ARSH: variants seen among roughly 807,000 people sequenced by gnomAD.
ARSH encodes the protein arylsulfatase H.
In ARSH, 32 loss-of-function variants were observed where a neutral mutation model predicts 28.7. The observed-to-expected ratio is 1.11, with a 90% CI of 0.84 to 1.50. The LOEUF is 1.50. ARSH is among the 40% of genes most tolerant of loss of function. The pLI is 0.00. For missense variants in ARSH, 440 were observed against 452.4 expected, an observed-to-expected ratio of 0.97 and a Z score of 0.25; for synonymous variants, 176 against 177.3, an observed-to-expected ratio of 0.99 and a Z score of 0.06.
chrX:3,020,458 G>T (rs185669881), intron 5 of ARSH, among the ~76,000 whole-genome samples: 3 of 103,629 alleles, frequency 2.9e-5, no homozygotes, highest in African/African-American at 6.9e-5. Context: ...GCGCGGTGGC[G>T]GGCGCCTGTA....
intron 6 of ARSH, among the ~76,000 whole-genome samples, chrX:3,025,902 G>A (rs1016513657): frequency 9.0e-6 from 1 of 110,830 alleles, no homozygotes; most frequent in African/African-American, 3.3e-5. Context: ...CCCTGGAATA[G>A]GACTGGCAAA....
chrX:3,024,264 G>C, intron 6 of ARSH, 109 bp downstream of exon 6: 1 of 786,762 alleles, frequency 1.3e-6, no homozygotes, highest in Admixed American at 4.5e-5. Context: ...TTTGATGTGA[G>C]TTAGACTCTT....
At chrX:3,020,695 A>G (rs2089881442) in intron 5 of ARSH, among the ~76,000 whole-genome samples, 1 of 110,825 alleles carries the variant, frequency 9.0e-6, no homozygotes, top group East Asian at 2.8e-4. Context: ...TGTTAAAGGG[A>G]AAAACTTATG....
intron 8 of ARSH, among the ~76,000 whole-genome samples, chrX:3,029,591 C>T (rs993120963): frequency 5.4e-5 from 6 of 111,759 alleles, no homozygotes; most frequent in East Asian, 2.8e-4. Flanking sequence ...AGTACAGTGG[C>T]GCAATCTCGG....
chrX:3,027,366 C>T lies in ARSH; in HGVS notation c.1090C>T (p.Arg364Trp), dbSNP rs754643657. Reference sequence around the variant, plus strand: ...AGGTATCCGTGTGCCAGGGATATTCCGGTGGCCGTCAGTCTTGGAGGCTGG... The same window carrying T: ...AGGTATCCGTGTGCCAGGGATATTCTGGTGGCCGTCAGTCTTGGAGGCTGG... ...EGGIRVPGIFRWPSVLEAGRV... is the reference protein window; with the variant it reads ...EGGIRVPGIFWWPSVLEAGRV... The change falls in exon 7 of 9, where the codon CGG (arginine) becomes TGG (tryptophan). Residue 364 changes from arginine (R) to tryptophan (W), a missense_variant. Physicochemically the swap from Arg to Trp is moderately radical, Grantham distance 101. Transcript: ENST00000381130. 1.3e-4 allele frequency: 160 copies of T among 1,209,443 alleles called. No individual in the cohort carries two copies. The highest frequency in any genetic ancestry group is 1.7e-4 in the Non-Finnish European group (152 of 894,993).
At position 3,019,180 on chromosome X, in the gene ARSH, A is replaced by G. The variant is rs373041840; in HGVS notation, c.901+510A>G. 4.1e-4 allele frequency among the ~76,000 whole-genome samples: 44 copies of G among 106,656 alleles called. 1 individual carries two copies. In the South Asian group the frequency reaches 0.016, roughly 39 times the overall value. The allele number at this position is 106,656 out of a possible 115,157, so 92.6% of individuals were successfully genotyped here. On this transcript the variant is annotated intron_variant, in intron 5 of 8. Transcript: ENST00000381130. ...CTCGGGAGGGTGAGGCAGGAGAATCACTTGGATCCAGGATGCAGAGGTTGC... is the reference window on the plus strand; with the variant it reads ...CTCGGGAGGGTGAGGCAGGAGAATCGCTTGGATCCAGGATGCAGAGGTTGC...
At chrX:3,023,325 C>T (rs1285695989) in intron 5 of ARSH, among the ~76,000 whole-genome samples, 1 of 103,338 alleles carries the variant, frequency 9.7e-6, no homozygotes, top group East Asian at 3.0e-4. Context: ...TTAATATGTT[C>T]ATTATATATT....
At position 3,029,354 on chromosome X, in the gene ARSH, G is replaced by A. The variant is rs1402481426; in HGVS notation, c.1307G>A (p.Trp436Ter). 9.1e-6 allele frequency: 11 copies of A among 1,209,390 alleles called. No individual in the cohort carries two copies. Among genetic ancestry groups the A allele is most frequent in the Non-Finnish European group, 1.2e-5 (11 of 894,449 alleles). The change falls in exon 8 of 9, where the codon TGG (tryptophan) becomes TAG (stop). Residue 436 changes from tryptophan (W) to a stop codon, truncating the protein, a stop_gained. Transcript: ENST00000381130. LOFTEE classifies it low-confidence loss of function (END_TRUNC). ...GGGGTCTATCTGCACACGGTCAGGT[G>A]GCATCAGAAGGACTGTAAGTATGAA... ...YCGVYLHTVR[W>*]HQKDCATVWK... is the part of the protein sequence containing the mutation.
rs7056073 is a variant in ARSH, at chrX:3,023,993, A to T, written c.902-28A>T. On this transcript the variant is annotated intron_variant, in intron 5 of 8. Coordinates refer to ENST00000381130, the MANE Select transcript of ARSH (RefSeq NM_001011719.2). ...AGTGGTGATCTGCATCAAGAGGTCAACGTCTTTGTGTCTCTGACCCTCTCC... is the reference window on the plus strand; with the variant it reads ...AGTGGTGATCTGCATCAAGAGGTCATCGTCTTTGTGTCTCTGACCCTCTCC... 5,266 of 1,205,944 alleles carry T rather than the reference A, an allele frequency of 4.4e-3. 138 individuals carry two copies. In the African/African-American group the frequency reaches 0.08, roughly 18 times the overall value.
chrX:3,008,958 G>A lies in ARSH; in HGVS notation c.93-1072G>A, dbSNP rs189086174. ...ATTGGATATGGTTTAGCTTTTAGGA[G>A]AACAGGCACGTCTTTTTTTTAACCT... On this transcript the variant is annotated intron_variant, in intron 1 of 8. Transcript: ENST00000381130. 3.7e-3 allele frequency among the ~76,000 whole-genome samples: 410 copies of A among 110,757 alleles called. 1 individual carries two copies. The highest frequency in any genetic ancestry group is 6.4e-3 in the Non-Finnish European group (338 of 52,979).
chrX:3,008,736 G>T (rs1569121919), intron 1 of ARSH, among the ~76,000 whole-genome samples: 1 of 31,510 alleles, frequency 3.2e-5, no homozygotes, highest in African/African-American at 1.4e-4. Flanking sequence ...TTTTTCTTTT[G>T]TTTTGTTTTT....
At chrX:3,012,568 AATATATATATATAT>A (rs1183166715) in intron 2 of ARSH, among the ~76,000 whole-genome samples, 3 of 21,815 alleles carry the variant, frequency 1.4e-4, no homozygotes, top group African/African-American at 7.5e-4. Flanking sequence ...AAAAAAAAAA[AATATATATATATAT>A]ATATATATAT....
chrX:3,015,657 G>A (rs1207835723), intron 4 of ARSH, among the ~76,000 whole-genome samples: 1 of 110,825 alleles, frequency 9.0e-6, no homozygotes, highest in South Asian at 3.9e-4. Context: ...AGCCTCCATG[G>A]ACATAAACAT....
chrX:3,020,459 G>C (rs1244673786), intron 5 of ARSH, among the ~76,000 whole-genome samples: 3 of 104,812 alleles, frequency 2.9e-5, no homozygotes, highest in African/African-American at 6.9e-5. Context: ...CGCGGTGGCG[G>C]GCGCCTGTAG....
At chrX:3,023,773 T>C (rs2089890955) in intron 5 of ARSH, among the ~76,000 whole-genome samples, 1 of 93,084 alleles carries the variant, frequency 1.1e-5, no homozygotes, top group South Asian at 4.2e-4. Flanking sequence ...ATATAGCATA[T>C]ATTATACATT....
rs760166650 is a variant in ARSH, at chrX:3,013,157, C to T, written c.325C>T (p.Arg109Cys). 6 of 1,206,433 alleles carry T rather than the reference C, an allele frequency of 5.0e-6. No homozygotes were observed. The East Asian group carries it at 9.0e-5, about 18-fold the overall frequency. ...FAKLLQHRGYRTGLIGKWHLG... is the reference protein window; with the variant it reads ...FAKLLQHRGYCTGLIGKWHLG... ...CAAGCTGCTGCAGCACCGTGGCTACCGCACGGGACTCATAGGTATGGCGCC... is the reference window on the plus strand; with the variant it reads ...CAAGCTGCTGCAGCACCGTGGCTACTGCACGGGACTCATAGGTATGGCGCC... The change falls in exon 3 of 9, where the codon CGC becomes TGC. Residue 109 changes from arginine to cysteine, a missense_variant. Arg to Cys is a radical substitution (Grantham distance 180). Transcript: ENST00000381130.
At chrX:3,017,736 T>G (rs886204707) in intron 4 of ARSH, among the ~76,000 whole-genome samples, 3 of 110,757 alleles carry the variant, frequency 2.7e-5, no homozygotes, top group Non-Finnish European at 3.8e-5. Flanking sequence ...AGACTTATGT[T>G]CCAGGAACCA....
Position 3,015,125 on chromosome X carries a change from A to G in ARSH, c.496A>G (p.Lys166Glu). The G allele has an allele frequency of 8.3e-7, 1 of 1,209,648 alleles. No homozygotes were observed. Among genetic ancestry groups the G allele is most frequent in the Non-Finnish European group, 1.1e-6 (1 of 894,435 alleles). ...TPELHRWLRIKLWISTVALAL... is the reference protein window; with the variant it reads ...TPELHRWLRIELWISTVALAL... ...AGAACTGCACCGCTGGCTCAGGATC[A>G]AACTGTGGATCTCCACGGTAGCCCT... The change falls in exon 4 of 9, where the codon AAA (lysine) becomes GAA (glutamate). Residue 166 changes from lysine (K) to glutamate (E), a missense_variant. Physicochemically the swap from Lys to Glu is moderately conservative, Grantham distance 56. Transcript: ENST00000381130.
Position 3,032,985 on chromosome X carries a change from A to G in ARSH, c.1322-33A>G, listed in dbSNP as rs1318842930. The G allele has an allele frequency of 4.3e-6, 5 of 1,171,696 alleles. 1 individual carries two copies. The highest frequency in any genetic ancestry group is 3.6e-5 in the African/African-American group (2 of 55,729). On this transcript the variant is annotated intron_variant, in intron 8 of 8. Transcript: ENST00000381130. Reference sequence around the variant, plus strand: ...AAAGAGTCCTAAAATCACCACAAAGATGGTATCATACATAATGCAACTTGT... The same window carrying G: ...AAAGAGTCCTAAAATCACCACAAAGGTGGTATCATACATAATGCAACTTGT...
Sources: allele counts gnomAD v4.1 joint callset (sites outside exome capture counted in the v4.1 genomes callset), GRCh38; gene constraint gnomAD v4.1.1; transcripts MANE v1.5; gene names NCBI Gene and HGNC (gene_info 2026-07-23, HGNC 2026-07-21).